DNAJC6: variants seen among roughly 807,000 people sequenced by gnomAD.
The protein encoded by DNAJC6 is auxilin.
A neutral mutation model predicts 110.0 loss-of-function variants in DNAJC6; 34 were observed. The ratio of observed to expected loss-of-function variants is 0.31; its 90% confidence interval spans 0.24 to 0.41. The LOEUF (loss-of-function observed/expected upper bound fraction) is 0.41. Among genes scored for constraint, DNAJC6 ranks in the 10% least tolerant of loss-of-function variants. The pLI is 1.00. For synonymous variants in DNAJC6, 406 were observed against 437.2 expected (o/e 0.93, Z 0.89); for missense variants, 1,031 against 1,207.8 (o/e 0.85, Z 2.17).
Position 65,414,051 on chromosome 1 carries a change from G to A in DNAJC6, c.*1026G>A, listed in dbSNP as rs921189840. ...TAAGGGAATGGCACGATCACAGTGAGAGAGCTGCACTCACCTGCAGACCCA... is the reference window on the plus strand; with the variant it reads ...TAAGGGAATGGCACGATCACAGTGAAAGAGCTGCACTCACCTGCAGACCCA... On this transcript the variant is annotated 3_prime_UTR_variant, in exon 19 of 19. Coordinates refer to ENST00000371069, the MANE Select transcript of DNAJC6 (RefSeq NM_001256864.2). 3.9e-5 allele frequency: 6 copies of A among 152,282 alleles called. No homozygotes were observed. Among genetic ancestry groups the A allele is most frequent in the Admixed American group, 3.3e-4 (5 of 15,278 alleles). 9.4% of individuals were successfully genotyped at this position (152,282 alleles called of 1,614,324 possible).
In DNAJC6 at chr1:65,300,059, A is replaced by G. The variant is rs557214715; in HGVS notation, c.-131+35127A>G. On this transcript the variant is annotated intron_variant, in intron 1 of 19. Coordinates refer to the DNAJC6 transcript ENST00000263441. ...ACTCCATCTCAAAAAAAAAAAAAAA[A>G]AAAAGAAAAAAAGTCTGAAATCCAG... Among the ~76,000 whole-genome samples the G allele has an allele frequency of 2.7e-3, 400 of 150,610 alleles. 4 individuals are homozygous for G. Among genetic ancestry groups the G allele is most frequent in the Middle Eastern group, 0.024 (7 of 294 alleles).
intron 5 of DNAJC6, among the ~76,000 whole-genome samples, chr1:65,380,762 A>G (rs957164704): frequency 2.6e-5 from 4 of 152,166 alleles, no homozygotes; most frequent in Non-Finnish European, 4.4e-5. Flanking sequence ...AATGAAGAAG[A>G]AAAAAGAAGA....
chr1:65,312,921 C>T (rs1252507461), intron 1 of DNAJC6, among the ~76,000 whole-genome samples: 2 of 150,962 alleles, frequency 1.3e-5, no homozygotes, highest in African/African-American at 4.9e-5. Context: ...TGTTTCAGCC[C>T]CTCAAGTAGC....
rs4325172 is a variant in DNAJC6, at chr1:65,392,462, G to A, written c.1500G>A (p.Glu500=). The A allele has an allele frequency of 0.5, 803,859 of 1,607,310 alleles. 206,678 individuals carry two copies. Among genetic ancestry groups the A allele is most frequent in the Non-Finnish European group, 0.54 (631,017 of 1,176,026 alleles). The part of the protein sequence containing the change: ...DQKSEKSFCE[E]DHAALVNQES... Reference sequence around the variant, plus strand: ...AATCGGAGAAGTCATTCTGTGAGGAGGACCACGCTGCCCTAGTGAATCAGG... The same window carrying A: ...AATCGGAGAAGTCATTCTGTGAGGAAGACCACGCTGCCCTAGTGAATCAGG... Residue 500 remains glutamate (E), a synonymous_variant, in exon 12 of 19, where the codon GAG becomes GAA. Coordinates refer to ENST00000371069, the MANE Select transcript of DNAJC6 (RefSeq NM_001256864.2).
At position 65,411,290 on chromosome 1, in the gene DNAJC6, C is replaced by G; in HGVS notation, c.2675C>G (p.Ala892Gly). Residue 892 changes from alanine (A) to glycine (G), a missense_variant, in exon 18 of 19, where the codon GCC becomes GGC. Coordinates refer to ENST00000371069, the MANE Select transcript of DNAJC6 (RefSeq NM_001256864.2). ...GAAGGCAAAGAAAGAAATATCAGAG[C>G]CCTTCTTTCCACGATGCATACCGTA... is the stretch of plus-strand genomic sequence containing the variant. ...WIEGKERNIR[A>G]LLSTMHTVLW... 6.2e-7 allele frequency: 1 copy of G among 1,613,820 alleles called. No individual in the cohort carries two copies. Among genetic ancestry groups the G allele is most frequent in the Non-Finnish European group, 8.5e-7 (1 of 1,179,846 alleles).
chr1:65,378,149 A>G (rs1020826870), intron 4 of DNAJC6, among the ~76,000 whole-genome samples: 1 of 152,098 alleles, frequency 6.6e-6, no homozygotes, highest in Non-Finnish European at 1.5e-5. Flanking sequence ...CTTAGCCACT[A>G]TCATCCCTTA....
At chr1:65,310,029 C>T in intron 1 of DNAJC6, 91 bp downstream of exon 1, 1 of 1,356,490 alleles carries the variant, frequency 7.4e-7, no homozygotes, top group South Asian at 1.7e-5. Flanking sequence ...CGTGGTCCCC[C>T]AGCCCCGGTT....
At chr1:65,292,646 G>C (rs941071960) in intron 1 of DNAJC6, among the ~76,000 whole-genome samples, 1 of 151,692 alleles carries the variant, frequency 6.6e-6, no homozygotes, top group Non-Finnish European at 1.5e-5. Context: ...TGTTGCCTAG[G>C]CTGGTCTCAA....
In DNAJC6 at chr1:65,322,447, T is replaced by A. The variant is rs574414691; in HGVS notation, c.193+12509T>A. 2.0e-5 allele frequency among the ~76,000 whole-genome samples: 3 copies of A among 152,336 alleles called. No homozygotes were observed. The East Asian group carries it at 5.8e-4, about 29-fold the overall frequency. Reference sequence around the variant, plus strand: ...TACATGCTATTATATAATGTGATGTTTTATTTAACATTGTCATAGATAACT... The same window carrying A: ...TACATGCTATTATATAATGTGATGTATTATTTAACATTGTCATAGATAACT... On this transcript the variant is annotated intron_variant, in intron 1 of 18. Transcript: ENST00000371069.
intron 17 of DNAJC6, 141 bp downstream of exon 17, chr1:65,408,924 G>T: frequency 2.8e-6 from 3 of 1,053,438 alleles, no homozygotes; most frequent in Non-Finnish European, 3.9e-6. Context: ...CATAAACTAG[G>T]TGGCTTATAA....
At chr1:65,407,334 G>A (rs996893883) in intron 16 of DNAJC6, among the ~76,000 whole-genome samples, 12 of 152,122 alleles carry the variant, frequency 7.9e-5, no homozygotes, top group African/African-American at 2.2e-4. Context: ...GGAACATACC[G>A]CCTGTGAATA....
intron 1 of DNAJC6, among the ~76,000 whole-genome samples, chr1:65,364,204 TC>T (rs913641372): frequency 2.4e-4 from 36 of 152,144 alleles, no homozygotes; most frequent in African/African-American, 8.4e-4. Flanking sequence ...AGCTATAATT[TC>T]TTTAATTCAA....
intron 1 of DNAJC6, among the ~76,000 whole-genome samples, chr1:65,288,732 A>G (rs1336473): frequency 0.089 from 13,482 of 152,026 alleles, 957 homozygotes; most frequent in East Asian, 0.23. Context: ...CTGTAGATTC[A>G]TTTTGTTCAT....
chr1:65,394,186 A>C (rs7532967), intron 12 of DNAJC6, among the ~76,000 whole-genome samples: 28,310 of 152,142 alleles, frequency 0.19, 5,878 homozygotes, highest in East Asian at 0.58. Context: ...CAGCTAGTGG[A>C]ATTCCAGTGC....
At chr1:65,354,517 G>A (rs1645523610) in intron 1 of DNAJC6, among the ~76,000 whole-genome samples, 1 of 152,182 alleles carries the variant, frequency 6.6e-6, no homozygotes, top group African/African-American at 2.4e-5. Flanking sequence ...TAAAAGTGGA[G>A]GGGACTTAGG....
intron 4 of DNAJC6, among the ~76,000 whole-genome samples, chr1:65,378,271 G>C (rs1323298250): frequency 9.5e-6 from 1 of 104,968 alleles, no homozygotes. Context: ...AGATCTGAGA[G>C]TCATTCTCCT....
At chr1:65,405,741 A>T in intron 15 of DNAJC6, 129 bp from the exon 16 acceptor site, 2 of 1,109,966 alleles carry the variant, frequency 1.8e-6, no homozygotes, top group Admixed American at 2.8e-5. Flanking sequence ...CTTTATCTAT[A>T]TTAGGAAGAT....
intron 1 of DNAJC6, among the ~76,000 whole-genome samples, chr1:65,342,685 T>A (rs934436014): frequency 1.3e-5 from 2 of 152,180 alleles, no homozygotes; most frequent in African/African-American, 2.4e-5. Flanking sequence ...TTAAGTAAGA[T>A]AATGGACATA....
At chr1:65,397,313 G>A (rs562140963) in intron 13 of DNAJC6, among the ~76,000 whole-genome samples, 296 of 151,866 alleles carry the variant, frequency 1.9e-3, no homozygotes, top group Non-Finnish European at 3.5e-3. Flanking sequence ...GCAAGGCGTC[G>A]CCAATCTCTC....
Sources: allele counts gnomAD v4.1 joint callset (sites outside exome capture counted in the v4.1 genomes callset), GRCh38; gene constraint gnomAD v4.1.1; transcripts MANE v1.5; gene names NCBI Gene and HGNC (gene_info 2026-07-23, HGNC 2026-07-21).